The following ANO3 variants were observed in gnomAD, a reference collection of about 807,000 sequenced individuals.
ANO3 encodes anoctamin-3.
In ANO3, 99 loss-of-function variants were observed where a neutral mutation model predicts 144.8. The observed-to-expected ratio is 0.68, with a 90% CI of 0.58 to 0.81. The LOEUF is 0.81. Among genes scored for constraint, ANO3 ranks in the 30% least tolerant of loss-of-function variants. ANO3 has a pLI of 0.00. For synonymous variants in ANO3, 414 were observed against 392.6 expected (o/e 1.05, Z -0.64); for missense variants, 905 against 1,202.2 (o/e 0.75, Z 3.66).
In ANO3 at chr11:26,491,588, G is replaced by C. The variant is rs1590411899; in HGVS notation, c.433-16516G>C. 3.3e-5 allele frequency among the ~76,000 whole-genome samples: 5 copies of C among 152,248 alleles called. No individual in the cohort carries two copies. In the East Asian group the frequency reaches 5.8e-4, roughly 18 times the overall value. On this transcript the variant is annotated intron_variant, in intron 4 of 26. Coordinates refer to ENST00000256737, the MANE Select transcript of ANO3 (RefSeq NM_031418.4). ...AGCGTGTTAGAGGGCTTCATACCAG[G>C]AGGCCACACGAGGTGTCAGGAATAA...
At chr11:26,468,289 G>T (rs117535490) in intron 4 of ANO3, among the ~76,000 whole-genome samples, 6 of 151,924 alleles carry the variant, frequency 3.9e-5, no homozygotes, top group Non-Finnish European at 8.8e-5. Flanking sequence ...TGTCACTTAC[G>T]ATGCCCAAAT....
chr11:26,462,092 C>T (rs190787047), intron 3 of ANO3, among the ~76,000 whole-genome samples: 24 of 151,894 alleles, frequency 1.6e-4, no homozygotes, highest in Admixed American at 2.6e-4. Context: ...AGTTTTTAAC[C>T]ATTATTTATA....
upstream of ANO3, among the ~76,000 whole-genome samples, chr11:26,304,897 A>G (rs1437238977): frequency 6.6e-6 from 1 of 152,150 alleles, no homozygotes; most frequent in African/African-American, 2.4e-5. Context: ...TTGCTCTCCA[A>G]CCAAGACTGG....
intron 1 of ANO3, chr11:26,427,503 T>G (rs988450200): frequency 2.6e-5 from 4 of 152,128 alleles, no homozygotes; most frequent in Admixed American, 2.0e-4. Flanking sequence ...TGGGAAAATA[T>G]AAGACATTTC....
chr11:26,531,188 A>T lies in ANO3; in HGVS notation c.738-17A>T. The T allele has an allele frequency of 6.2e-7, 1 of 1,613,724 alleles. No individual in the cohort carries two copies. Among genetic ancestry groups the T allele is most frequent in the South Asian group, 1.1e-5 (1 of 91,034 alleles). Reference sequence around the variant, plus strand: ...GAATACAACCTAATCTAGTTCTCAAATGTGACTTCATTCCAGGATGCAAAC... The same window carrying T: ...GAATACAACCTAATCTAGTTCTCAATTGTGACTTCATTCCAGGATGCAAAC... On this transcript the variant is annotated splice_polypyrimidine_tract_variant and intron_variant, in intron 7 of 26. Transcript: ENST00000256737.
At chr11:26,509,825 G>A (rs1017079959) in intron 5 of ANO3, among the ~76,000 whole-genome samples, 1 of 152,096 alleles carries the variant, frequency 6.6e-6, no homozygotes, top group African/African-American at 2.4e-5. Context: ...GTACTAAACT[G>A]TAGTTTGGGG....
chr11:26,207,298 T>C lies in ANO3; in HGVS notation c.154+17968T>C, dbSNP rs896458006. The stretch of plus-strand genomic sequence containing the variant: ...GCTTACAAAAAATCAGTTTCTTAAA[T>C]GCATAGTTAATATTCTAGGTGTTTG... On this transcript the variant is annotated intron_variant, in intron 1 of 27. Coordinates refer to the ANO3 transcript ENST00000672621. Among the ~76,000 whole-genome samples, 8 of 152,242 alleles carry C rather than the reference T, an allele frequency of 5.3e-5. 2 individuals carry two copies. In the South Asian group the frequency reaches 1.2e-3, roughly 24 times the overall value.
chr11:26,642,121 T>C, intron 22 of ANO3, 92 bp downstream of exon 22: 1 of 1,423,252 alleles, frequency 7.0e-7, no homozygotes, highest in Non-Finnish European at 9.6e-7. Flanking sequence ...AAATTATCTC[T>C]TTCCTTTCCA....
intron 17 of ANO3, among the ~76,000 whole-genome samples, chr11:26,616,845 TCAC>T (rs1193360529): frequency 6.6e-6 from 1 of 152,214 alleles, no homozygotes; most frequent in Admixed American, 6.5e-5. Context: ...AGATCTTAGC[TCAC>T]CACAACCTCT....
intron 13 of ANO3, among the ~76,000 whole-genome samples, 161 bp downstream of exon 13, chr11:26,553,506 T>C (rs1170518961): frequency 6.6e-6 from 1 of 152,134 alleles, no homozygotes; most frequent in Non-Finnish European, 1.5e-5. Context: ...CTATTGCAAT[T>C]AGAAAGCGAG....
chr11:26,619,915 AG>A (rs1431825820), intron 17 of ANO3, among the ~76,000 whole-genome samples: 2 of 152,258 alleles, frequency 1.3e-5, no homozygotes, highest in Non-Finnish European at 2.9e-5. Flanking sequence ...AAGAGAGCTA[AG>A]GTAATTTTGA....
chr11:26,205,142 C>T (rs1216352496), intron 1 of ANO3, among the ~76,000 whole-genome samples: 3 of 152,094 alleles, frequency 2.0e-5, no homozygotes, highest in Non-Finnish European at 4.4e-5. Context: ...AAAACCACCC[C>T]TATGATTTAA....
intron 1 of ANO3, among the ~76,000 whole-genome samples, chr11:26,344,133 T>A (rs1191412682): frequency 2.0e-5 from 3 of 152,198 alleles, no homozygotes; most frequent in Admixed American, 2.0e-4. Context: ...GATTATGACC[T>A]GTTATGCTGA....
intron 1 of ANO3, among the ~76,000 whole-genome samples, chr11:26,408,450 G>A (rs1857345700): frequency 6.6e-6 from 1 of 151,692 alleles, no homozygotes; most frequent in African/African-American, 2.4e-5. Context: ...AGTTAGAATG[G>A]CAATCATTAA....
At chr11:26,314,122 C>G (rs1392130803) in intron 1 of ANO3, among the ~76,000 whole-genome samples, 1 of 152,010 alleles carries the variant, frequency 6.6e-6, no homozygotes, top group Admixed American at 6.6e-5. Flanking sequence ...AAGAGAGTAG[C>G]CTTTATACCA....
At chr11:26,643,630 C>T (rs762973379) in intron 23 of ANO3, among the ~76,000 whole-genome samples, 1 of 151,992 alleles carries the variant, frequency 6.6e-6, no homozygotes, top group Admixed American at 6.6e-5. Context: ...TGGTGGGTGC[C>T]TGTAATCCCA....
intron 1 of ANO3, among the ~76,000 whole-genome samples, chr11:26,235,112 T>G (rs931609697): frequency 2.0e-5 from 3 of 152,082 alleles, no homozygotes; most frequent in African/African-American, 7.2e-5. Flanking sequence ...GCCACCCATA[T>G]TGTGGAGGTC....
intron 1 of ANO3, among the ~76,000 whole-genome samples, chr11:26,304,503 C>G (rs935796489): frequency 6.6e-6 from 1 of 152,076 alleles, no homozygotes; most frequent in Non-Finnish European, 1.5e-5. Flanking sequence ...ACCACAGTTA[C>G]AGTTTAATGT....
At position 26,660,586 on chromosome 11, in the gene ANO3, C is replaced by T. The variant is rs1032747733; in HGVS notation, c.*142C>T. The T allele has an allele frequency of 4.2e-6, 3 of 707,982 alleles. No individual in the cohort carries two copies. Among genetic ancestry groups the T allele is most frequent in the Non-Finnish European group, 6.7e-6 (3 of 449,728 alleles). 43.9% of individuals were successfully genotyped at this position (707,982 alleles called of 1,614,324 possible). Reference sequence around the variant, plus strand: ...CTACTTGGAAATGTATCACAGCCATCTCTGGGATTTGAAATATCCAGACTT... The same window carrying T: ...CTACTTGGAAATGTATCACAGCCATTTCTGGGATTTGAAATATCCAGACTT... On this transcript the variant is annotated 3_prime_UTR_variant, in exon 27 of 27. Coordinates refer to ENST00000256737, the MANE Select transcript of ANO3 (RefSeq NM_031418.4).
Sources: gnomAD v4.1 joint callset for allele counts (sites outside exome capture counted in the v4.1 genomes callset) on GRCh38, gnomAD v4.1.1 for gene constraint, MANE v1.5 for transcripts, NCBI Gene and HGNC (gene_info 2026-07-23, HGNC 2026-07-21) for gene names.